The following KIF1A variants were observed in gnomAD, a reference collection of about 807,000 sequenced individuals.
KIF1A encodes kinesin-like protein KIF1A.
A neutral mutation model predicts 227.3 loss-of-function variants in KIF1A; 46 were observed. That is an observed-to-expected ratio of 0.20 (90% confidence interval 0.16 to 0.26). The LOEUF is 0.26. Ranked by LOEUF, KIF1A falls within the 10% of genes least tolerant of loss-of-function variation. The pLI is 1.00. For missense variants in KIF1A, 1,683 were observed against 2,485.9 expected (o/e 0.68, Z 6.87); for synonymous variants, 1,022 against 1,012.8 (o/e 1.01, Z -0.17).
At chr2:240,721,214 CCT>C (rs1394236334) in intron 44 of KIF1A, among the ~76,000 whole-genome samples, 176 bp from the exon 45 acceptor site, 1 of 152,178 alleles carries the variant, frequency 6.6e-6, no homozygotes, top group African/African-American at 2.4e-5. Context: ...CCCTCCAGCC[CCT>C]GTGGCCCCTG....
At chr2:240,791,492 G>A (rs1264645590) in intron 2 of KIF1A, among the ~76,000 whole-genome samples, 2 of 101,550 alleles carry the variant, frequency 2.0e-5, no homozygotes, top group Non-Finnish European at 4.2e-5. Flanking sequence ...GCACAGGCCT[G>A]GCCCCATCCC....
At chr2:240,780,830 CCACACA>C (rs772178620) in intron 10 of KIF1A, among the ~76,000 whole-genome samples, 1 of 10,070 alleles carries the variant, frequency 9.9e-5, no homozygotes, top group Non-Finnish European at 1.8e-4. Context: ...ACACACAGCT[CCACACA>C]CACACACAGC....
chr2:240,725,448 G>C lies in KIF1A; in HGVS notation c.4123-44C>G. 1 of 1,599,658 alleles carries C rather than the reference G, an allele frequency of 6.3e-7. No individual in the cohort carries two copies. Among genetic ancestry groups the C allele is most frequent in the Non-Finnish European group, 8.5e-7 (1 of 1,171,900 alleles). ...GGACTCAGGCACAAGGACACCCCGA[G>C]TGCCCAGGTGCCCTTCCAGCCTTCT... On this transcript the variant is annotated intron_variant, in intron 39 of 48. Transcript: ENST00000498729. The surrounding 1 kb of genome is among the most constrained non-coding windows in gnomAD (Gnocchi z 5.8).
intron 6 of KIF1A, among the ~76,000 whole-genome samples, chr2:240,785,724 G>T (rs10170062): frequency 0.27 from 40,406 of 152,152 alleles, 6,228 homozygotes; most frequent in African/African-American, 0.42. Flanking sequence ...GCCTCATCAG[G>T]AACAGCACCC....
intron 1 of KIF1A, among the ~76,000 whole-genome samples, chr2:240,810,367 G>A (rs950820849): frequency 2.0e-5 from 3 of 152,110 alleles, no homozygotes; most frequent in Non-Finnish European, 2.9e-5. Flanking sequence ...ATAGTAATTC[G>A]GAAACCATAT....
chr2:240,820,632 C>T (rs2058657661), upstream of KIF1A, among the ~76,000 whole-genome samples: 1 of 151,114 alleles, frequency 6.6e-6, no homozygotes, highest in African/African-American at 2.4e-5. The surrounding 1 kb of genome is among the most constrained non-coding windows in gnomAD (Gnocchi z 6.2). Flanking sequence ...AAACGTCCAC[C>T]TGCCCCCGCT....
intron 42 of KIF1A, among the ~76,000 whole-genome samples, chr2:240,722,914 C>T (rs1040751215): frequency 6.6e-6 from 1 of 152,216 alleles, no homozygotes; most frequent in East Asian, 1.9e-4. Context: ...TCAGACACAT[C>T]CATCTCACGC....
intron 18 of KIF1A, 75 bp from the exon 19 acceptor site, chr2:240,767,096 G>A (rs2051300163): frequency 7.9e-7 from 1 of 1,270,276 alleles, no homozygotes; most frequent in Non-Finnish European, 1.1e-6. Flanking sequence ...GGCCTCCAGG[G>A]ACGCCCAACC....
rs1315870918 is a variant in KIF1A at position 240,716,364 on chromosome 2, C to T, written c.*1000G>A. 5 of 152,502 alleles carry T rather than the reference C, an allele frequency of 3.3e-5. No individual in the cohort carries two copies. The East Asian group carries it at 7.5e-4, about 23-fold the overall frequency. The allele number at this position is 152,502 out of a possible 1,614,324, so 9.4% of individuals were successfully genotyped here. A position where few individuals can be genotyped will look rare whatever the true frequency, so the allele number is the denominator to read the frequency against. ...AGAGGCTGCGCCACAGCCCTCGACA[C>T]CTAGACCGTCGCCCTGAATTCCGAT... On this transcript the variant is annotated 3_prime_UTR_variant, in exon 49 of 49. Transcript: ENST00000498729.
At chr2:240,810,065 C>T (rs948422821) in intron 1 of KIF1A, among the ~76,000 whole-genome samples, 3 of 152,130 alleles carry the variant, frequency 2.0e-5, no homozygotes, top group Admixed American at 6.5e-5. Flanking sequence ...CCACCCACCT[C>T]GGCCTCCCAA....
At chr2:240,761,118 C>T (rs1575587537) in intron 24 of KIF1A, 111 bp downstream of exon 24, 1 of 1,300,386 alleles carries the variant, frequency 7.7e-7, no homozygotes, top group Non-Finnish European at 1.1e-6. Flanking sequence ...TGCTATGCCA[C>T]CCCCGGGGCC....
chr2:240,800,708 A>T (rs1457960717), intron 1 of KIF1A, among the ~76,000 whole-genome samples: 2 of 152,200 alleles, frequency 1.3e-5, no homozygotes, highest in Non-Finnish European at 2.9e-5. Flanking sequence ...TTCTGAGGAT[A>T]TGAGAGGTGA....
At chr2:240,769,772 A>C in intron 15 of KIF1A, 66 bp from the exon 16 acceptor site, 2 of 1,357,522 alleles carry the variant, frequency 1.5e-6, no homozygotes, top group Non-Finnish European at 2.1e-6. Context: ...CAATGGAGAC[A>C]CGGGTGCCAG....
Position 240,719,755 on chromosome 2 carries a change from C to T in KIF1A, c.5021+19G>A. On this transcript the variant is annotated intron_variant, in intron 46 of 48. Coordinates refer to ENST00000498729, the MANE Select transcript of KIF1A (RefSeq NM_001244008.2). ...AGCACAGAGCTGGTGGCGGTGCTTTCCAGGGAGGCCCCACACACCTGACTC... is the reference window on the plus strand; with the variant it reads ...AGCACAGAGCTGGTGGCGGTGCTTTTCAGGGAGGCCCCACACACCTGACTC... The T allele has an allele frequency of 6.5e-7, 1 of 1,536,532 alleles. No individual in the cohort carries two copies. Among genetic ancestry groups the T allele is most frequent in the Non-Finnish European group, 8.8e-7 (1 of 1,140,088 alleles).
intron 1 of KIF1A, chr2:240,798,073 G>A (rs754934551): frequency 3.9e-6 from 1 of 255,042 alleles, no homozygotes; most frequent in Non-Finnish European, 7.5e-6. Flanking sequence ...AGCGACCTGG[G>A]TGTGAACGTG....
intron 1 of KIF1A, among the ~76,000 whole-genome samples, chr2:240,805,992 C>A (rs1310709002): frequency 6.6e-6 from 1 of 152,180 alleles, no homozygotes; most frequent in African/African-American, 2.4e-5. Context: ...CCAGGCTTAA[C>A]CTCTCACTGT....
intron 38 of KIF1A, among the ~76,000 whole-genome samples, 200 bp from the exon 39 acceptor site, chr2:240,727,140 G>T (rs1352224879): frequency 6.6e-6 from 1 of 152,210 alleles, no homozygotes; most frequent in African/African-American, 2.4e-5. Context: ...GGGTCTCTTG[G>T]ACGCCCCGAT....
intron 35 of KIF1A, 61 bp downstream of exon 35, chr2:240,741,208 C>T: frequency 8.5e-7 from 1 of 1,171,304 alleles, no homozygotes; most frequent in Non-Finnish European, 1.2e-6. Flanking sequence ...AAGTCCTCGT[C>T]CCTCTCCGCG....
At chr2:240,814,646 G>A (rs746761980) in intron 1 of KIF1A, among the ~76,000 whole-genome samples, 21 of 152,210 alleles carry the variant, frequency 1.4e-4, no homozygotes, top group African/African-American at 4.8e-4. Flanking sequence ...AAATAAAAAG[G>A]CTGGGCGCGG....
Sources: gnomAD v4.1 joint callset for allele counts (sites outside exome capture counted in the v4.1 genomes callset) on GRCh38, gnomAD v4.1.1 for gene constraint, Gnocchi (gnomAD v3.1) non-coding constraint, MANE v1.5 for transcripts, NCBI Gene and HGNC (gene_info 2026-07-23, HGNC 2026-07-21) for gene names.